Variants in CCDC150 observed in about 807,000 individuals in gnomAD.
CCDC150 encodes the protein coiled-coil domain containing 150.
CCDC150 carries 151 observed loss-of-function variants against 156.5 expected under a neutral mutation model. That is an observed-to-expected ratio of 0.97 (90% CI 0.85 to 1.10). CCDC150 has a LOEUF of 1.10. CCDC150 is among the 50% of genes least tolerant of loss of function. The pLI is 0.00. For missense variants in CCDC150, 1,312 were observed against 1,268.1 expected (o/e 1.03, Z -0.53); for synonymous variants, 452 against 429.4 (o/e 1.05, Z -0.65).
chr2:196,679,583 C>T (rs1342535395), intron 13 of CCDC150, among the ~76,000 whole-genome samples: 1 of 152,142 alleles, frequency 6.6e-6, no homozygotes, highest in Non-Finnish European at 1.5e-5. Context: ...TTAATAAAGC[C>T]TATATAAATA....
At chr2:196,641,992 A>G (rs543575218) in intron 1 of CCDC150, among the ~76,000 whole-genome samples, 4 of 152,172 alleles carry the variant, frequency 2.6e-5, no homozygotes, top group Non-Finnish European at 5.9e-5. Flanking sequence ...CATGCTTTCC[A>G]TAAGGTTACC....
chr2:196,699,669 A>G (rs531578168), intron 14 of CCDC150, among the ~76,000 whole-genome samples: 2 of 152,208 alleles, frequency 1.3e-5, no homozygotes, highest in South Asian at 2.1e-4. Context: ...ACAGGCATGC[A>G]CCACTATGCC....
chr2:196,676,104 T>C (rs769669900), intron 10 of CCDC150, 39 bp from the exon 11 acceptor site: 1 of 1,609,444 alleles, frequency 6.2e-7, no homozygotes, highest in South Asian at 1.1e-5. Flanking sequence ...CAAAAGACTT[T>C]GTGGAGCTTC....
chr2:196,652,052 T>G (rs2125577079), intron 2 of CCDC150, among the ~76,000 whole-genome samples: 1 of 152,224 alleles, frequency 6.6e-6, no homozygotes, highest in African/African-American at 2.4e-5. Flanking sequence ...TCATGAGGGA[T>G]CTGCCCCTAT....
intron 8 of CCDC150, among the ~76,000 whole-genome samples, chr2:196,670,570 A>G (rs2125605554): frequency 6.6e-6 from 1 of 151,368 alleles, no homozygotes; most frequent in African/African-American, 2.4e-5. Flanking sequence ...TTTTTCTATA[A>G]CCACAGAACA....
chr2:196,646,383 A>G lies in CCDC150; in HGVS notation c.55A>G (p.Thr19Ala). Reference sequence around the variant, plus strand: ...AGTGTCCAGACCGGTCCTTTCTCCAACCCACATCAACGCTACAGCTTCTGA... The same window carrying G: ...AGTGTCCAGACCGGTCCTTTCTCCAGCCCACATCAACGCTACAGCTTCTGA... ...TTVSRPVLSP[T>A]HINATASETF... Residue 19 changes from threonine to alanine, a missense_variant, in exon 2 of 28, where the codon ACC becomes GCC. Coordinates refer to ENST00000389175, the MANE Select transcript of CCDC150 (RefSeq NM_001080539.2). The G allele has an allele frequency of 6.2e-7, 1 of 1,613,840 alleles. No homozygotes were observed.
In CCDC150 at chr2:196,662,033, T is replaced by A. The variant is rs191346618; in HGVS notation, c.645+3173T>A. Among the ~76,000 whole-genome samples, 138 of 152,318 alleles carry A rather than the reference T, an allele frequency of 9.1e-4. 1 individual carries two copies. Among genetic ancestry groups the A allele is most frequent in the East Asian group, 9.6e-4 (5 of 5,186 alleles). On this transcript the variant is annotated intron_variant, in intron 5 of 27. Transcript: ENST00000389175. ...GTTGATGTCCTGGGTATTTTGAAAC[T>A]TTCAAGGAATAAATTATATCTTGAA...
chr2:196,729,568 T>A, intron 23 of CCDC150, 181 bp downstream of exon 23: 1 of 675,078 alleles, frequency 1.5e-6, no homozygotes, highest in Non-Finnish European at 2.5e-6. Context: ...GTTTGATTTC[T>A]CATTTGCTGC....
intron 27 of CCDC150, 83 bp downstream of exon 27, chr2:196,732,235 T>C (rs547889976): frequency 6.9e-7 from 1 of 1,445,428 alleles, no homozygotes; most frequent in South Asian, 1.2e-5. Context: ...TCTCATCATC[T>C]CGATACTCTC....
intron 1 of CCDC150, among the ~76,000 whole-genome samples, chr2:196,645,679 G>A (rs763734797): frequency 6.6e-6 from 1 of 152,102 alleles, no homozygotes; most frequent in South Asian, 2.1e-4. Flanking sequence ...ATTGCGTTTT[G>A]GGGGAGGAGT....
intron 1 of CCDC150, 98 bp downstream of exon 1, chr2:196,639,876 T>C (rs1692105366): frequency 2.8e-6 from 3 of 1,086,298 alleles, no homozygotes; most frequent in East Asian, 3.0e-5. Flanking sequence ...GCCCTCTCCC[T>C]GTCCTGACGG....
intron 13 of CCDC150, among the ~76,000 whole-genome samples, chr2:196,680,071 A>T (rs1694731122): frequency 6.6e-6 from 1 of 152,088 alleles, no homozygotes; most frequent in South Asian, 2.1e-4. Context: ...CTTCCATTTT[A>T]TGACTTTTTT....
intron 9 of CCDC150, 52 bp downstream of exon 9, chr2:196,672,489 TTAAA>T: frequency 9.8e-7 from 1 of 1,016,916 alleles, no homozygotes; most frequent in African/African-American, 1.7e-5. Context: ...TTTTGTTCAA[TTAAA>T]TAACCAAGAA....
At chr2:196,687,103 G>T (rs868604430) in intron 13 of CCDC150, among the ~76,000 whole-genome samples, 2 of 152,050 alleles carry the variant, frequency 1.3e-5, no homozygotes, top group Admixed American at 6.6e-5. Context: ...ATAGAATGAT[G>T]TATATTCCTT....
intron 13 of CCDC150, among the ~76,000 whole-genome samples, chr2:196,683,156 T>A (rs917207989): frequency 1.3e-5 from 2 of 152,112 alleles, no homozygotes; most frequent in Non-Finnish European, 2.9e-5. Context: ...CTGTGGGGTT[T>A]TTTCAATGCT....
chr2:196,676,882 G>A (rs1694537039), intron 12 of CCDC150, among the ~76,000 whole-genome samples, 151 bp downstream of exon 12: 1 of 152,222 alleles, frequency 6.6e-6, no homozygotes, highest in Non-Finnish European at 1.5e-5. Context: ...GCTAACCTAT[G>A]CCTTTTAGCA....
intron 25 of CCDC150, 81 bp downstream of exon 25, chr2:196,730,199 T>TTA (rs1698450644): frequency 8.2e-7 from 1 of 1,217,732 alleles, no homozygotes. Context: ...CACCTAGACT[T>TTA]TCTAGAGTCT....
intron 2 of CCDC150, among the ~76,000 whole-genome samples, chr2:196,647,892 T>C (rs1692639874): frequency 6.6e-6 from 1 of 152,186 alleles, no homozygotes; most frequent in South Asian, 2.1e-4. Flanking sequence ...TGACGAACAA[T>C]CTCTTCTTTC....
At chr2:196,708,012 T>A (rs1696790397) in intron 15 of CCDC150, among the ~76,000 whole-genome samples, 1 of 152,190 alleles carries the variant, frequency 6.6e-6, no homozygotes, top group Non-Finnish European at 1.5e-5. Context: ...TCTGTAGATG[T>A]CTATTAGGTC....
Sources: gnomAD v4.1 joint callset for allele counts (sites outside exome capture counted in the v4.1 genomes callset) on GRCh38, gnomAD v4.1.1 for gene constraint, MANE v1.5 for transcripts, NCBI Gene and HGNC (gene_info 2026-07-23, HGNC 2026-07-21) for gene names.